GRIN3B: variants seen among roughly 807,000 people sequenced by gnomAD.
GRIN3B encodes the protein glutamate receptor ionotropic, NMDA 3B.
In GRIN3B, 77 loss-of-function variants were observed where a neutral mutation model predicts 66.0. That is an observed-to-expected ratio of 1.17 (90% CI 0.97 to 1.41). The LOEUF is 1.41. Among genes scored for constraint, GRIN3B ranks in the 40% most tolerant of loss-of-function variants. The pLI, the probability that GRIN3B is intolerant of heterozygous loss-of-function variation, is 0.00. For missense variants in GRIN3B, 1,787 were observed against 1,564.5 expected (o/e 1.14, Z -2.40); for synonymous variants, 823 against 749.7 (o/e 1.10, Z -1.60).
At position 1,003,216 on chromosome 19, in the gene GRIN3B, G is replaced by C. The variant is rs903119058; in HGVS notation, c.513G>C (p.Trp171Cys). 6.4e-7 allele frequency: 1 copy of C among 1,568,772 alleles called. No individual in the cohort carries two copies. The highest frequency in any genetic ancestry group is 1.4e-5 in the African/African-American group (1 of 71,876). ...VLVAVLQAHA[W>C]EDVGLALCRT... ...TGGCGGTGCTGCAGGCGCACGCCTG[G>C]GAAGACGTCGGCCTGGCCCTGTGCC... The change falls in exon 2 of 9, where the codon TGG (tryptophan) becomes TGC (cysteine). Residue 171 changes from tryptophan to cysteine, a missense_variant. Transcript: ENST00000234389.
In GRIN3B at chr19:1,003,219, AGAC is replaced by A; in HGVS notation, c.518_520del (p.Asp173del). ...CGGTGCTGCAGGCGCACGCCTGGGAAGACGTCGGCCTGGCCCTGTGCCGCACTC... is the reference window on the plus strand; with the variant it reads ...CGGTGCTGCAGGCGCACGCCTGGGAAGTCGGCCTGGCCCTGTGCCGCACTC... On this transcript the variant is annotated inframe_deletion, in exon 2 of 9. Coordinates refer to ENST00000234389, the MANE Select transcript of GRIN3B (RefSeq NM_138690.3). 1 of 1,570,276 alleles carries A rather than the reference AGAC, an allele frequency of 6.4e-7. No homozygotes were observed. The highest frequency in any genetic ancestry group is 1.2e-5 in the South Asian group (1 of 85,980).
At position 1,005,754 on chromosome 19, in the gene GRIN3B, C is replaced by T. The variant is rs1466737478; in HGVS notation, c.2052+201C>T. Among the ~76,000 whole-genome samples the T allele has an allele frequency of 6.6e-6, 1 of 152,096 alleles. No homozygotes were observed. Among genetic ancestry groups the T allele is most frequent in the East Asian group, 1.9e-4 (1 of 5,174 alleles). On this transcript the variant is annotated intron_variant, in intron 3 of 8. Coordinates refer to ENST00000234389, the MANE Select transcript of GRIN3B (RefSeq NM_138690.3). The surrounding 1 kb of genome is among the most constrained non-coding windows in gnomAD (Gnocchi z 5.2). ...GTGGCTCACGCCTGTAATCCCAGCA[C>T]TTTGGGAGACCAAGGCAGGCAGATC...
chr19:1,002,223 G>A (rs2038690677), intron 1 of GRIN3B: 1 of 151,952 alleles, frequency 6.6e-6, no homozygotes, highest in African/African-American at 2.4e-5. Flanking sequence ...CAGCTACTCA[G>A]GATATATATA....
In GRIN3B at chr19:1,005,903, C is replaced by G. The variant is rs888389234; in HGVS notation, c.2052+350C>G. ...CCTGTAATCCCAGCTACTCGGGAGG[C>G]TGAGGCAGGAGAATCACTTGAACCC... On this transcript the variant is annotated intron_variant, in intron 3 of 8. Coordinates refer to ENST00000234389, the MANE Select transcript of GRIN3B (RefSeq NM_138690.3). This position sits in a 1 kb window ranked among gnomAD's most constrained non-coding sequence, Gnocchi z 5.2. Among the ~76,000 whole-genome samples, 4 of 151,928 alleles carry G rather than the reference C, an allele frequency of 2.6e-5. No individual in the cohort carries two copies. The highest frequency in any genetic ancestry group is 5.9e-5 in the Non-Finnish European group (4 of 67,986).
chr19:1,009,350 C>A lies in GRIN3B; in HGVS notation c.2880C>A (p.Pro960=). ...CGGAGGCTGCGCCGCGAGAGGGCCC[C>A]GTCTGGCTGTGCTCCTACGGCCGCC... ...AEAEAAPREG[P]VWLCSYGRPP... The change falls in exon 9 of 9, where the codon CCC becomes CCA. Residue 960 remains proline (P), a synonymous_variant. Coordinates refer to ENST00000234389, the MANE Select transcript of GRIN3B (RefSeq NM_138690.3). 1 of 1,390,032 alleles carries A rather than the reference C, an allele frequency of 7.2e-7. No homozygotes were observed. Among genetic ancestry groups the A allele is most frequent in the Non-Finnish European group, 9.2e-7 (1 of 1,081,238 alleles). The allele number at this position is 1,390,032 out of a possible 1,614,324, so 86.1% of individuals were successfully genotyped here.
Position 1,003,400 on chromosome 19 carries a change from C to T in GRIN3B, c.697C>T (p.Pro233Ser). ...GCCAGTGGGGGGTGAAGCACCGGTA[C>T]CCGCGGCGGTCCTCCTCGGCTGTGA... Reference protein sequence around the residue: ...AAPVGGEAPVPAAVLLGCDIA... With the variant: ...AAPVGGEAPVSAAVLLGCDIA... Residue 233 changes from proline (P) to serine (S), a missense_variant, in exon 2 of 9, where the codon CCC (proline) becomes TCC (serine). Pro to Ser is a moderately conservative substitution (Grantham distance 74). Transcript: ENST00000234389. 1.3e-6 allele frequency: 2 copies of T among 1,554,568 alleles called. No homozygotes were observed. The highest frequency in any genetic ancestry group is 1.7e-6 in the Non-Finnish European group (2 of 1,155,472).
In GRIN3B at chr19:1,005,483, C is replaced by G; in HGVS notation, c.1982C>G (p.Thr661Arg). The stretch of plus-strand genomic sequence containing the variant: ...TGCCTGCTGGTGCTGTCCAGCTACA[C>G]GGCCAACCTGGCTGCCGTCATGGTC... ...IFCLLVLSSYTANLAAVMVGD... is the reference protein window; with the variant it reads ...IFCLLVLSSYRANLAAVMVGD... Residue 661 changes from threonine to arginine, a missense_variant, in exon 3 of 9, where the codon ACG becomes AGG. Thr to Arg is a moderately conservative substitution (Grantham distance 71, BLOSUM62 -1). Transcript: ENST00000234389. The surrounding 1 kb of genome is among the most constrained non-coding windows in gnomAD (Gnocchi z 5.2). 6.2e-7 allele frequency: 1 copy of G among 1,613,258 alleles called. No individual in the cohort carries two copies. The highest frequency in any genetic ancestry group is 1.1e-5 in the South Asian group (1 of 91,072).
Position 1,009,450 on chromosome 19 carries a change from C to T in GRIN3B, c.2980C>T (p.Arg994Cys). 2 of 1,473,676 alleles carry T rather than the reference C, an allele frequency of 1.4e-6. No homozygotes were observed. Among genetic ancestry groups the T allele is most frequent in the South Asian group, 2.6e-5 (2 of 77,306 alleles). 91.3% of individuals were successfully genotyped at this position (1,473,676 alleles called of 1,614,324 possible). ...GCTGGAGCGCCGCATCGAAGTCGCG[C>T]GTGAGCGGCTCCGCCAGGCCCTGGT... The part of the protein sequence containing the change: ...QELERRIEVA[R>C]ERLRQALVRR... Residue 994 changes from arginine to cysteine, a missense_variant, in exon 9 of 9, where the codon CGT becomes TGT. Arg to Cys is a radical substitution (Grantham distance 180). Transcript: ENST00000234389.
rs1177150185 is a variant in GRIN3B at position 1,005,591 on chromosome 19, G to A, written c.2052+38G>A. Reference sequence around the variant, plus strand: ...GGGGGGCTGCGGGTGGCCTTGGGGGGCTAGCGGTGGCCCCGGGCTGGGCTG... The same window carrying A: ...GGGGGGCTGCGGGTGGCCTTGGGGGACTAGCGGTGGCCCCGGGCTGGGCTG... On this transcript the variant is annotated intron_variant, in intron 3 of 8. Transcript: ENST00000234389. This position sits in a 1 kb window ranked among gnomAD's most constrained non-coding sequence, Gnocchi z 5.2. 11 of 1,488,724 alleles carry A rather than the reference G, an allele frequency of 7.4e-6. No individual in the cohort carries two copies. Among genetic ancestry groups the A allele is most frequent in the Non-Finnish European group, 9.9e-6 (11 of 1,110,344 alleles). The allele number at this position is 1,488,724 out of a possible 1,614,324, so 92.2% of individuals were successfully genotyped here.
chr19:1,008,941 G>C lies in GRIN3B; in HGVS notation c.2702+14G>C. The C allele has an allele frequency of 6.3e-7, 1 of 1,596,692 alleles. No individual in the cohort carries two copies. Among genetic ancestry groups the C allele is most frequent in the Non-Finnish European group, 8.5e-7 (1 of 1,172,710 alleles). On this transcript the variant is annotated intron_variant, in intron 8 of 8. Transcript: ENST00000234389. ...GGCGGAGCCCAGGTAAGTGGTGGTC[G>C]GGGCGGACCACGATGCAGGACCACC...
rs1438607929 is a variant in GRIN3B, at chr19:1,007,366, A to T, written c.2053-262A>T. On this transcript the variant is annotated intron_variant, in intron 3 of 8. Coordinates refer to ENST00000234389, the MANE Select transcript of GRIN3B (RefSeq NM_138690.3). The surrounding 1 kb of genome is among the most constrained non-coding windows in gnomAD (Gnocchi z 4.4). ...CAGGGCGAGGTCCAGGTGGAGATGG[A>T]CTTGCCGGCGTTTAGAACAGAGGGT... 6.6e-6 allele frequency among the ~76,000 whole-genome samples: 1 copy of T among 151,844 alleles called. No individual in the cohort carries two copies. The highest frequency in any genetic ancestry group is 1.5e-5 in the Non-Finnish European group (1 of 67,936).
chr19:1,002,324 C>T (rs576961680), intron 1 of GRIN3B, among the ~76,000 whole-genome samples: 3 of 146,262 alleles, frequency 2.1e-5, no homozygotes, highest in Admixed American at 6.9e-5. Context: ...TCGAGACCAT[C>T]CTGGCTAACA....
Position 1,000,564 on chromosome 19 carries a change from C to T in GRIN3B, c.127C>T (p.Leu43=). ...LGGSVRLGAL[L]PRAPLARARA... ...GGGCTCCGTGCGCCTGGGCGCCCTC[C>T]TGCCCCGCGCGCCTCTCGCCCGCGC... is the stretch of plus-strand genomic sequence containing the variant. The change falls in exon 1 of 9, where the codon CTG becomes TTG. Residue 43 remains leucine (L), a synonymous_variant. Coordinates refer to ENST00000234389, the MANE Select transcript of GRIN3B (RefSeq NM_138690.3). The T allele has an allele frequency of 9.3e-7, 1 of 1,070,176 alleles. No individual in the cohort carries two copies. The highest frequency in any genetic ancestry group is 1.1e-6 in the Non-Finnish European group (1 of 886,972). 66.3% of individuals were successfully genotyped at this position (1,070,176 alleles called of 1,614,324 possible).
chr19:1,007,417 C>A lies in GRIN3B; in HGVS notation c.2053-211C>A, dbSNP rs931555110. ...CTCCACCCGGGGTGATCCTGCCCCCCGCCCCAGGGGACCCTGGACAGTGTG... is the reference window on the plus strand; with the variant it reads ...CTCCACCCGGGGTGATCCTGCCCCCAGCCCCAGGGGACCCTGGACAGTGTG... On this transcript the variant is annotated intron_variant, in intron 3 of 8. Transcript: ENST00000234389. This position sits in a 1 kb window ranked among gnomAD's most constrained non-coding sequence, Gnocchi z 4.4. Among the ~76,000 whole-genome samples the A allele has an allele frequency of 6.6e-6, 1 of 151,964 alleles. No individual in the cohort carries two copies. Among genetic ancestry groups the A allele is most frequent in the Non-Finnish European group, 1.5e-5 (1 of 67,936 alleles).
At chr19:1,004,144 C>G (rs760928322) in intron 2 of GRIN3B, among the ~76,000 whole-genome samples, 1 of 152,212 alleles carries the variant, frequency 6.6e-6, no homozygotes, top group Non-Finnish European at 1.5e-5. Context: ...CAGTGCCCAC[C>G]TGGGGAACTA....
Position 1,003,658 on chromosome 19 carries a change from G to T in GRIN3B, c.955G>T (p.Ala319Ser). Residue 319 changes from alanine to serine, a missense_variant, in exon 2 of 9, where the codon GCC (alanine) becomes TCC (serine). Coordinates refer to ENST00000234389, the MANE Select transcript of GRIN3B (RefSeq NM_138690.3). ...GCAGCCGAAGCGAGCCCTCCTCCCCGCCCCGGTCAACTGCGGGGACCTGCA... is the reference window on the plus strand; with the variant it reads ...GCAGCCGAAGCGAGCCCTCCTCCCCTCCCCGGTCAACTGCGGGGACCTGCA... ...QVQPKRALLPAPVNCGDLQPA... is the reference protein window; with the variant it reads ...QVQPKRALLPSPVNCGDLQPA... 1 of 1,412,768 alleles carries T rather than the reference G, an allele frequency of 7.1e-7. No homozygotes were observed. The highest frequency in any genetic ancestry group is 9.2e-7 in the Non-Finnish European group (1 of 1,089,730). 87.5% of individuals were successfully genotyped at this position (1,412,768 alleles called of 1,614,324 possible). A position where few individuals can be genotyped will look rare whatever the true frequency, so the allele number is the denominator to read the frequency against.
At position 1,003,268 on chromosome 19, in the gene GRIN3B, G is replaced by A; in HGVS notation, c.565G>A (p.Ala189Thr). The A allele has an allele frequency of 1.3e-6, 2 of 1,572,698 alleles. No homozygotes were observed. The highest frequency in any genetic ancestry group is 1.7e-6 in the Non-Finnish European group (2 of 1,161,268). ...CRTQDPGGLV[A>T]LWTSRAGRPP... ...CACTCAGGACCCCGGCGGCCTGGTG[G>A]CCCTCTGGACAAGCCGGGCTGGCCG... The change falls in exon 2 of 9, where the codon GCC (alanine) becomes ACC (threonine). Residue 189 changes from alanine to threonine, a missense_variant. Ala to Thr is a moderately conservative substitution (Grantham distance 58, BLOSUM62 0). Coordinates refer to ENST00000234389, the MANE Select transcript of GRIN3B (RefSeq NM_138690.3).
chr19:1,003,119 C>T lies in GRIN3B; in HGVS notation c.427-11C>T. The T allele has an allele frequency of 2.8e-6, 4 of 1,429,798 alleles. No homozygotes were observed. Among genetic ancestry groups the T allele is most frequent in the Non-Finnish European group, 3.7e-6 (4 of 1,091,766 alleles). 88.6% of individuals were successfully genotyped at this position (1,429,798 alleles called of 1,614,324 possible). On this transcript the variant is annotated splice_polypyrimidine_tract_variant and intron_variant, in intron 1 of 8. Transcript: ENST00000234389. ...GGTCGTCAACCCTAACCGTGGCCAC[C>T]CCTCTCCCAGAACCCATTCCACCTG...
At position 1,005,936 on chromosome 19, in the gene GRIN3B, G is replaced by A. The variant is rs1036860031; in HGVS notation, c.2052+383G>A. On this transcript the variant is annotated intron_variant, in intron 3 of 8. Transcript: ENST00000234389. This position sits in a 1 kb window ranked among gnomAD's most constrained non-coding sequence, Gnocchi z 5.2. ...GGAGAATCACTTGAACCCAGGAGGC[G>A]GAGGTTGCAGTGAATCAAGATGGCA... is the stretch of plus-strand genomic sequence containing the variant. Among the ~76,000 whole-genome samples, 24 of 152,016 alleles carry A rather than the reference G, an allele frequency of 1.6e-4. No individual in the cohort carries two copies. Among genetic ancestry groups the A allele is most frequent in the Non-Finnish European group, 2.6e-4 (18 of 67,992 alleles).
Sources: gnomAD v4.1 joint callset for allele counts (sites outside exome capture counted in the v4.1 genomes callset) on GRCh38, gnomAD v4.1.1 for gene constraint, Gnocchi (gnomAD v3.1) non-coding constraint, MANE v1.5 for transcripts, NCBI Gene and HGNC (gene_info 2026-07-23, HGNC 2026-07-21) for gene names.